COX15: variants seen among roughly 807,000 people sequenced by gnomAD.
COX15 encodes heme A synthase COX15.
A neutral mutation model predicts 51.9 loss-of-function variants in COX15; 51 were observed. The observed-to-expected ratio is 0.98, with a 90% CI of 0.78 to 1.24. The LOEUF is 1.24. COX15 is among the 50% of genes most tolerant of loss of function. COX15 has a pLI of 0.00. For missense variants in COX15, 420 were observed against 501.1 expected, an observed-to-expected ratio of 0.84 and a Z score of 1.55; for synonymous variants, 188 against 190.5, an observed-to-expected ratio of 0.99 and a Z score of 0.11.
At chr10:99,718,311 G>C in intron 7 of COX15, 35 bp downstream of exon 7, 1 of 1,613,130 alleles carries the variant, frequency 6.2e-7, no homozygotes, top group Non-Finnish European at 8.5e-7. Context: ...ATAGGCTCCT[G>C]TGCTCTCTGG....
At chr10:99,723,284 A>G (rs1487648827) in intron 5 of COX15, among the ~76,000 whole-genome samples, 1 of 151,996 alleles carries the variant, frequency 6.6e-6, no homozygotes, top group East Asian at 1.9e-4. Context: ...CTGGGATTAC[A>G]GGCATGTGCC....
chr10:99,716,768 C>A lies in COX15; in HGVS notation c.988-307G>T, dbSNP rs189578933. On this transcript the variant is annotated intron_variant, in intron 7 of 8. Transcript: ENST00000016171. ...GTGGGTGTCCCCCTCATTTTTAATT[C>A]TTTGCATCCTTATCCCTAACCATAT... 11 of 339,672 alleles carry A rather than the reference C, an allele frequency of 3.2e-5. No homozygotes were observed. In the East Asian group the frequency reaches 7.6e-4, roughly 23 times the overall value. The allele number at this position is 339,672 out of a possible 1,614,324, so 21.0% of individuals were successfully genotyped here. A position where few individuals can be genotyped will look rare whatever the true frequency, so the allele number is the denominator to read the frequency against.
At chr10:99,698,639 T>C in the COX15 span, 24 of 1,614,072 alleles carry the variant, frequency 1.5e-5, no homozygotes, top group African/African-American at 2.7e-5. Context: ...AAGTCTTACA[T>C]GTCCGAGGAA....
rs2036423615 is a variant in COX15 at position 99,712,377 on chromosome 10, A to T, written c.*2210T>A. 3 of 985,342 alleles carry T rather than the reference A, an allele frequency of 3.0e-6. No individual in the cohort carries two copies. In the African/African-American group the frequency reaches 5.2e-5, roughly 17 times the overall value. The allele number at this position is 985,342 out of a possible 1,614,324, so 61.0% of individuals were successfully genotyped here. A position where few individuals can be genotyped will look rare whatever the true frequency, so the allele number is the denominator to read the frequency against. ...TAACATTTTTTAAAATCTTGAAATT[A>T]GTTCCCAACACTTAATTGAGAGCTT... On this transcript the variant is annotated 3_prime_UTR_variant, in exon 9 of 9. Coordinates refer to ENST00000016171, the MANE Select transcript of COX15 (RefSeq NM_078470.6).
At position 99,729,723 on chromosome 10, in the gene COX15, G is replaced by A. The variant is rs756936723; in HGVS notation, c.102C>T (p.Ile34=). 2 of 1,614,100 alleles carry A rather than the reference G, an allele frequency of 1.2e-6. No individual in the cohort carries two copies. The highest frequency in any genetic ancestry group is 2.2e-5 in the South Asian group (2 of 91,082). Reference sequence around the variant, plus strand: ...ATTGCCCTGGCCTCAAAGGGCGCCTGATGCAATCACACTAAAGATCAAGAT... The same window carrying A: ...ATTGCCCTGGCCTCAAAGGGCGCCTAATGCAATCACACTAAAGATCAAGAT... The part of the protein sequence containing the change: ...RAAPRAQCDC[I]RRPLRPGQYS... Residue 34 remains isoleucine, a synonymous_variant, in exon 2 of 9, where the codon ATC becomes ATT. Coordinates refer to ENST00000016171, the MANE Select transcript of COX15 (RefSeq NM_078470.6).
chr10:99,707,866 T>C (rs1010297661), downstream of COX15, among the ~76,000 whole-genome samples: 7 of 152,224 alleles, frequency 4.6e-5, no homozygotes, highest in Non-Finnish European at 1.0e-4. Flanking sequence ...CTCTCTGTAC[T>C]TTAGCTCCTT....
chr10:99,702,722 T>A, the COX15 span: 1 of 1,510,270 alleles, frequency 6.6e-7, no homozygotes, highest in Admixed American at 2.3e-5. Context: ...AGGATATCAG[T>A]TGATGCCTCA....
intron 6 of COX15, among the ~76,000 whole-genome samples, chr10:99,719,140 G>T (rs1420127794): frequency 6.6e-6 from 1 of 152,062 alleles, no homozygotes; most frequent in Non-Finnish European, 1.5e-5. Context: ...AATAAAGAGG[G>T]TATTCATGAA....
chr10:99,718,044 G>C (rs904096787), intron 7 of COX15, among the ~76,000 whole-genome samples: 9 of 152,020 alleles, frequency 5.9e-5, no homozygotes, highest in African/African-American at 2.2e-4. Flanking sequence ...TGACTTTCTA[G>C]GTACGTGCAG....
downstream of COX15, chr10:99,706,306 A>T (rs2036251194): frequency 6.6e-6 from 1 of 151,680 alleles, no homozygotes; most frequent in South Asian, 2.1e-4. Context: ...AATTAGATAA[A>T]CATGGATTAA....
chr10:99,710,204 G>T, downstream of COX15: 2 of 985,406 alleles, frequency 2.0e-6, no homozygotes, highest in Non-Finnish European at 2.4e-6. Flanking sequence ...AGCACTTGCC[G>T]GCATTTGGCC....
the COX15 span, chr10:99,698,778 T>C: frequency 6.2e-7 from 1 of 1,614,218 alleles, no homozygotes; most frequent in South Asian, 1.1e-5. Flanking sequence ...CTACGGCTTC[T>C]CTGAGTTTTT....
In COX15 at chr10:99,718,376, G is replaced by A. The variant is rs2036641297; in HGVS notation, c.957C>T (p.Pro319=). 1 of 1,613,970 alleles carries A rather than the reference G, an allele frequency of 6.2e-7. No individual in the cohort carries two copies. The highest frequency in any genetic ancestry group is 1.7e-5 in the Admixed American group (1 of 59,986). The change falls in exon 7 of 9, where the codon CCC becomes CCT. Residue 319 remains proline (P), a synonymous_variant. Coordinates refer to ENST00000016171, the MANE Select transcript of COX15 (RefSeq NM_078470.6). The part of the protein sequence containing the change: ...SPILRNVFEN[P]TMVQFDHRIL... Reference sequence around the variant, plus strand: ...TCCGGTGATCAAACTGCACCATGGTGGGATTCTCAAAAACATTCCTCAGGA... The same window carrying A: ...TCCGGTGATCAAACTGCACCATGGTAGGATTCTCAAAAACATTCCTCAGGA...
chr10:99,707,279 T>G (rs2036271943), downstream of COX15, among the ~76,000 whole-genome samples: 1 of 152,186 alleles, frequency 6.6e-6, no homozygotes, highest in South Asian at 2.1e-4. Flanking sequence ...AAGGAAAATT[T>G]TGTCATATCC....
chr10:99,723,776 G>A (rs188832005), intron 5 of COX15, among the ~76,000 whole-genome samples, 180 bp downstream of exon 5: 92 of 152,192 alleles, frequency 6.0e-4, no homozygotes, highest in African/African-American at 2.1e-3. Flanking sequence ...AAGCGACTGG[G>A]ATATTTCTTG....
At chr10:99,696,039 C>G in the COX15 span, 9 of 1,614,078 alleles carry the variant, frequency 5.6e-6, no homozygotes, top group African/African-American at 1.2e-4. Context: ...GGGTTTATGT[C>G]ACAACTTTTC....
Position 99,712,861 on chromosome 10 carries a change from A to T in COX15, c.*1726T>A, listed in dbSNP as rs970772248. On this transcript the variant is annotated 3_prime_UTR_variant, in exon 9 of 9. Transcript: ENST00000016171. ...CATCCATTGCTGCCAGCTCTGCAGC[A>T]TAATGGAAGCTCATTCCCTCTTCTG... is the stretch of plus-strand genomic sequence containing the variant. 1 of 396,512 alleles carries T rather than the reference A, an allele frequency of 2.5e-6. No homozygotes were observed. The highest frequency in any genetic ancestry group is 2.2e-5 in the African/African-American group (1 of 45,786). The allele number at this position is 396,512 out of a possible 1,614,324, so 24.6% of individuals were successfully genotyped here. A position where few individuals can be genotyped will look rare whatever the true frequency, so the allele number is the denominator to read the frequency against.
rs2036487728 is a variant in COX15, at chr10:99,714,047, T to C, written c.*540A>G. 1 of 1,009,972 alleles carries C rather than the reference T, an allele frequency of 9.9e-7. No individual in the cohort carries two copies. Among genetic ancestry groups the C allele is most frequent in the Non-Finnish European group, 1.2e-6 (1 of 844,836 alleles). 62.6% of individuals were successfully genotyped at this position (1,009,972 alleles called of 1,614,324 possible). On this transcript the variant is annotated 3_prime_UTR_variant, in exon 9 of 9. Transcript: ENST00000016171. ...TACTTAAAAACCATTTTGCTACATATACACATTAAGCTTGTCAAAATCTGC... is the reference window on the plus strand; with the variant it reads ...TACTTAAAAACCATTTTGCTACATACACACATTAAGCTTGTCAAAATCTGC...
downstream of COX15, among the ~76,000 whole-genome samples, chr10:99,706,514 AT>A (rs1186951861): frequency 1.6e-4 from 1 of 6,340 alleles, no homozygotes; most frequent in African/African-American, 3.7e-4. Flanking sequence ...TTTTTATTTT[AT>A]TTTTTTAGAG....
Sources: allele counts gnomAD v4.1 joint callset (sites outside exome capture counted in the v4.1 genomes callset), GRCh38; gene constraint gnomAD v4.1.1; transcripts MANE v1.5; gene names NCBI Gene and HGNC (gene_info 2026-07-23, HGNC 2026-07-21).